The following UNC13C variants were observed in gnomAD, a reference collection of about 807,000 sequenced individuals.
UNC13C encodes protein unc-13 homolog C.
In UNC13C, 174 loss-of-function variants were observed where a neutral mutation model predicts 245.4. The observed-to-expected ratio is 0.71, with a 90% CI of 0.63 to 0.80. The LOEUF is 0.80. Ranked by LOEUF, UNC13C falls within the 30% of genes least tolerant of loss-of-function variation. UNC13C has a pLI of 0.00. For synonymous variants in UNC13C, 992 were observed against 895.1 expected, an observed-to-expected ratio of 1.11 and a Z score of -1.93; for missense variants, 2,829 against 2,602.9, an observed-to-expected ratio of 1.09 and a Z score of -1.89.
chr15:54,143,797 T>A, intron 4 of UNC13C, 113 bp downstream of exon 4: 1 of 647,218 alleles, frequency 1.5e-6, no homozygotes, highest in Non-Finnish European at 2.6e-6. Flanking sequence ...GCCTCATTGT[T>A]ACTTCATTTT....
At chr15:54,256,844 T>C (rs576090346) in intron 8 of UNC13C, among the ~76,000 whole-genome samples, 1 of 152,334 alleles carries the variant, frequency 6.6e-6, no homozygotes, top group South Asian at 2.1e-4. Flanking sequence ...ATATTTGATA[T>C]TTTGTGGTTT....
At chr15:54,221,860 C>T (rs970741201) in intron 4 of UNC13C, among the ~76,000 whole-genome samples, 14 of 151,948 alleles carry the variant, frequency 9.2e-5, no homozygotes, top group African/African-American at 3.4e-4. Context: ...TATCAACTGT[C>T]CTCTTGTGGA....
intron 18 of UNC13C, among the ~76,000 whole-genome samples, chr15:54,408,814 G>A (rs927193902): frequency 5.3e-5 from 8 of 152,048 alleles, no homozygotes; most frequent in East Asian, 1.9e-4. Context: ...TGAAATATGC[G>A]ATCATATTTT....
intron 29 of UNC13C, among the ~76,000 whole-genome samples, chr15:54,560,760 AAGAG>A (rs1048757745): frequency 6.6e-6 from 1 of 151,198 alleles, no homozygotes; most frequent in African/African-American, 2.4e-5. Context: ...GGAGGTGATT[AAGAG>A]AGAGAGAGAG....
intron 24 of UNC13C, among the ~76,000 whole-genome samples, chr15:54,515,227 AC>A (rs1447778779): frequency 6.6e-6 from 1 of 152,140 alleles, no homozygotes; most frequent in East Asian, 1.9e-4. Context: ...AAAATAGCCA[AC>A]CCGTGTTATA....
the UNC13C span, among the ~76,000 whole-genome samples, chr15:53,939,043 A>T: frequency 6.6e-6 from 1 of 152,184 alleles, no homozygotes; most frequent in Non-Finnish European, 1.5e-5. Flanking sequence ...TCTTAAAAAA[A>T]TCAGTGAATC....
intron 24 of UNC13C, among the ~76,000 whole-genome samples, chr15:54,521,761 A>T (rs1320105885): frequency 6.6e-6 from 1 of 152,242 alleles, no homozygotes; most frequent in Non-Finnish European, 1.5e-5. Flanking sequence ...GGAATGAAAG[A>T]TTTCAAGGGC....
rs77521029 is a variant in UNC13C at position 54,086,168 on chromosome 15, G to C, written c.2984-56850G>C. ...GTGCTGCAGAACATCAGACACATTT[G>C]GTCTATCTAGCTGTAACAGTGTGTC... On this transcript the variant is annotated intron_variant, in intron 2 of 32. Coordinates refer to ENST00000260323, the MANE Select transcript of UNC13C (RefSeq NM_001080534.3). 5.8e-4 allele frequency among the ~76,000 whole-genome samples: 89 copies of C among 152,180 alleles called. 1 individual carries two copies. In the East Asian group the frequency reaches 0.016, roughly 27 times the overall value.
At chr15:54,608,722 T>G (rs1045790387) in intron 30 of UNC13C, among the ~76,000 whole-genome samples, 3 of 152,182 alleles carry the variant, frequency 2.0e-5, no homozygotes, top group Non-Finnish European at 4.4e-5. Context: ...CACTGAGGGT[T>G]TATTGCATTA....
chr15:54,280,525 T>A (rs114511465), intron 10 of UNC13C, among the ~76,000 whole-genome samples: 1 of 151,408 alleles, frequency 6.6e-6, no homozygotes, highest in African/African-American at 2.4e-5. Context: ...ATAAGAATTG[T>A]GCTCATTGCA....
chr15:54,448,914 G>A (rs571526837), intron 19 of UNC13C, among the ~76,000 whole-genome samples: 48 of 152,246 alleles, frequency 3.2e-4, no homozygotes, highest in African/African-American at 7.9e-4. Context: ...GGCTGGTACC[G>A]GTTGTTCCTT....
intron 4 of UNC13C, among the ~76,000 whole-genome samples, chr15:54,180,770 A>G (rs1343388248): frequency 6.8e-6 from 1 of 147,616 alleles, no homozygotes; most frequent in Admixed American, 6.7e-5. Flanking sequence ...TTTTTCATAT[A>G]TTTGTTGGAC....
chr15:54,302,273 G>T (rs923904966), intron 13 of UNC13C, among the ~76,000 whole-genome samples: 1 of 152,100 alleles, frequency 6.6e-6, no homozygotes, highest in African/African-American at 2.4e-5. Flanking sequence ...TTCTTTTGCT[G>T]TGCAGAAGCT....
intron 4 of UNC13C, among the ~76,000 whole-genome samples, chr15:54,194,506 A>G (rs973705345): frequency 2.0e-5 from 3 of 152,218 alleles, no homozygotes; most frequent in Non-Finnish European, 4.4e-5. Flanking sequence ...TTTAAGGTTG[A>G]CACCCAACCT....
upstream of UNC13C, among the ~76,000 whole-genome samples, chr15:53,975,265 G>A (rs956024210): frequency 4.6e-5 from 7 of 152,210 alleles, no homozygotes; most frequent in African/African-American, 1.7e-4. Flanking sequence ...AATTGCATAA[G>A]ATGGTTTATT....
Position 54,332,105 on chromosome 15 carries a change from G to A in UNC13C, c.4488G>A (p.Lys1496=), listed in dbSNP as rs878947172. 1.3e-6 allele frequency: 2 copies of A among 1,568,784 alleles called. No individual in the cohort carries two copies. Among genetic ancestry groups the A allele is most frequent in the Admixed American group, 1.9e-5 (1 of 53,300 alleles). Residue 1496 remains lysine (K), a synonymous_variant, in exon 15 of 33, where the codon AAG becomes AAA. Coordinates refer to ENST00000260323, the MANE Select transcript of UNC13C (RefSeq NM_001080534.3). ...LHNSLRIDLS[K]YRENFPASNT... Reference sequence around the variant, plus strand: ...ACTCTTTGAGGATTGATCTGTCAAAGTATAGGGTATGTACAAATTTACTTG... The same window carrying A: ...ACTCTTTGAGGATTGATCTGTCAAAATATAGGGTATGTACAAATTTACTTG...
At chr15:54,155,408 C>T (rs1402183797) in intron 4 of UNC13C, among the ~76,000 whole-genome samples, 1 of 152,116 alleles carries the variant, frequency 6.6e-6, no homozygotes, top group Non-Finnish European at 1.5e-5. Context: ...CGTCATAAGT[C>T]CCACTGAGAT....
chr15:54,035,263 TAA>T (rs1053405154), intron 2 of UNC13C, among the ~76,000 whole-genome samples: 1 of 152,232 alleles, frequency 6.6e-6, no homozygotes, highest in Non-Finnish European at 1.5e-5. Flanking sequence ...TGCGATATAT[TAA>T]GTCAAACAAA....
At chr15:53,858,849 A>G in the UNC13C span, among the ~76,000 whole-genome samples, 93,628 of 152,026 alleles carry the variant, frequency 0.62, 29,099 homozygotes, top group East Asian at 0.76. Context: ...AATACTCAAA[A>G]TATTCATACA....
Sources: gnomAD v4.1 joint callset for allele counts (sites outside exome capture counted in the v4.1 genomes callset) on GRCh38, gnomAD v4.1.1 for gene constraint, MANE v1.5 for transcripts, NCBI Gene and HGNC (gene_info 2026-07-23, HGNC 2026-07-21) for gene names.